C11orf21: variants seen among roughly 807,000 people sequenced by gnomAD.
C11orf21 encodes chromosome 11 open reading frame 21, also known as uncharacterized protein C11orf21.
In C11orf21, 19 loss-of-function variants were observed where a neutral mutation model predicts 15.2. The ratio of observed to expected loss-of-function variants is 1.25; its 90% CI spans 0.87 to 1.84. The LOEUF (loss-of-function observed/expected upper bound fraction) is 1.84, where lower values mean the gene tolerates loss of function less well. Ranked by LOEUF, C11orf21 falls within the 40% of genes most tolerant of loss-of-function variation. C11orf21 has a pLI of 0.00. For synonymous variants in C11orf21, 62 were observed against 66.8 expected, an observed-to-expected ratio of 0.93 and a Z score of 0.35; for missense variants, 171 against 174.4, an observed-to-expected ratio of 0.98 and a Z score of 0.11.
rs115451105 is a variant in C11orf21 at position 2,299,795 on chromosome 11, C to T, written c.148-88G>A. The T allele has an allele frequency of 2.4e-3, 3,668 of 1,498,326 alleles. 57 individuals carry two copies. In the African/African-American group the frequency reaches 0.035, roughly 14 times the overall value. The allele number at this position is 1,498,326 out of a possible 1,614,324, so 92.8% of individuals were successfully genotyped here. A position where few individuals can be genotyped will look rare whatever the true frequency, so the allele number is the denominator to read the frequency against. On this transcript the variant is annotated intron_variant, in intron 2 of 3. Transcript: ENST00000381153. ...GAGAGAGGAAAAAGGAAGTCCCTGGCGGGTAAACACATATGCATGCACACA... is the reference window on the plus strand; with the variant it reads ...GAGAGAGGAAAAAGGAAGTCCCTGGTGGGTAAACACATATGCATGCACACA...
chr11:2,300,200 C>A (rs1387168951), intron 2 of C11orf21, among the ~76,000 whole-genome samples: 1 of 30,954 alleles, frequency 3.2e-5, no homozygotes, highest in Non-Finnish European at 5.6e-5. Context: ...TGGGCAGGGG[C>A]GTGTGGGGTG....
chr11:2,300,470 G>A (rs971906062), intron 2 of C11orf21, 50 bp downstream of exon 2: 4 of 1,241,262 alleles, frequency 3.2e-6, no homozygotes, highest in Admixed American at 5.1e-5. Flanking sequence ...GGGTTCCACC[G>A]GCTCCCTGCC....
upstream of C11orf21, chr11:2,303,031 G>A (rs1847856734): frequency 7.3e-7 from 1 of 1,374,842 alleles, no homozygotes; most frequent in Non-Finnish European, 1.0e-6. Flanking sequence ...AGCCCAGCTG[G>A]ACGCCTCACA....
At chr11:2,302,762 C>T, upstream of C11orf21, 3 of 1,171,832 alleles carry the variant, frequency 2.6e-6, no homozygotes, top group Non-Finnish European at 3.7e-6. Flanking sequence ...CTGGAGAGAG[C>T]CCCAACCCTG....
chr11:2,300,050 G>A (rs926644474), intron 2 of C11orf21, among the ~76,000 whole-genome samples: 3 of 143,290 alleles, frequency 2.1e-5, no homozygotes, highest in Non-Finnish European at 3.1e-5. Flanking sequence ...GGCTCCCAGC[G>A]GCCGGCACCA....
chr11:2,300,020 G>C (rs76395194), intron 2 of C11orf21, among the ~76,000 whole-genome samples: 2 of 146,286 alleles, frequency 1.4e-5, no homozygotes, highest in Non-Finnish European at 3.0e-5. Context: ...GGCTGAACCC[G>C]CTGCTCGAGG....
At chr11:2,298,939 G>A (rs564259858) in intron 3 of C11orf21, among the ~76,000 whole-genome samples, 14 of 152,300 alleles carry the variant, frequency 9.2e-5, no homozygotes, top group African/African-American at 2.6e-4. Flanking sequence ...GTTGGCCAGC[G>A]GAGGCAGCAG....
At chr11:2,299,295 G>A (rs758040609) in intron 3 of C11orf21, 133 bp downstream of exon 3, 1 of 970,904 alleles carries the variant, frequency 1.0e-6, no homozygotes, top group South Asian at 1.7e-5. Flanking sequence ...GCCCCCACAG[G>A]TCTCTTCAAG....
chr11:2,301,410 G>T (rs1356938043), intron 1 of C11orf21: 9 of 227,502 alleles, frequency 4.0e-5, no homozygotes, highest in African/African-American at 2.1e-4. Flanking sequence ...CTGTACTGGG[G>T]CCGCAGCGCT....
intron 3 of C11orf21, 38 bp downstream of exon 3, chr11:2,299,390 G>T: frequency 1.3e-6 from 2 of 1,533,738 alleles, no homozygotes; most frequent in South Asian, 2.4e-5. Context: ...GACAGCACAG[G>T]GGCCCCCAGG....
chr11:2,300,088 TGGGGTGGGC>T (rs1847650440), intron 2 of C11orf21, among the ~76,000 whole-genome samples: 1 of 51,274 alleles, frequency 2.0e-5, no homozygotes, highest in Non-Finnish European at 3.7e-5. Flanking sequence ...CAGGGGTGTG[TGGGGTGGGC>T]AGGGGTTTGT....
At chr11:2,301,926 C>A, upstream of C11orf21, 1 of 1,529,158 alleles carries the variant, frequency 6.5e-7, no homozygotes. Context: ...GCTGGGGGCA[C>A]CAGGGTGAGG....
upstream of C11orf21, chr11:2,302,293 G>A (rs975665446): frequency 7.6e-7 from 1 of 1,313,352 alleles, no homozygotes; most frequent in Non-Finnish European, 9.9e-7. Context: ...TCAGCACAGG[G>A]ATTATCCCTC....
chr11:2,298,569 G>A (rs1847587274), intron 3 of C11orf21, among the ~76,000 whole-genome samples: 1 of 152,084 alleles, frequency 6.6e-6, no homozygotes, highest in Admixed American at 6.5e-5. Context: ...CCCAGGCCCG[G>A]GGGGTCACTC....
intron 1 of C11orf21, 39 bp from the exon 2 acceptor site, chr11:2,300,652 C>T: frequency 4.5e-6 from 7 of 1,549,914 alleles, no homozygotes; most frequent in Non-Finnish European, 6.1e-6. Flanking sequence ...GGTCAAGAAC[C>T]CAGGCCCGCC....
At chr11:2,298,503 G>A (rs968748948) in intron 3 of C11orf21, among the ~76,000 whole-genome samples, 3 of 152,218 alleles carry the variant, frequency 2.0e-5, no homozygotes, top group Admixed American at 2.0e-4. Flanking sequence ...ACCATTAGGG[G>A]GAGGGTCCGA....
In C11orf21 at chr11:2,299,714, G is replaced by A. The variant is rs1847629906; in HGVS notation, c.148-7C>T. ...TCATTGAGCCAGGGGCCTCCTGGTGGGTAAGGACATTGTAGAGTGAGCGGG... is the reference window on the plus strand; with the variant it reads ...TCATTGAGCCAGGGGCCTCCTGGTGAGTAAGGACATTGTAGAGTGAGCGGG... On this transcript the variant is annotated splice_region_variant and splice_polypyrimidine_tract_variant and intron_variant, in intron 2 of 3. Coordinates refer to ENST00000381153, the MANE Select transcript of C11orf21 (RefSeq NM_001329958.2). The A allele has an allele frequency of 1.3e-6, 2 of 1,550,704 alleles. No homozygotes were observed. Among genetic ancestry groups the A allele is most frequent in the African/African-American group, 1.4e-5 (1 of 73,004 alleles).
intron 3 of C11orf21, among the ~76,000 whole-genome samples, chr11:2,298,768 C>T (rs540702695): frequency 6.6e-6 from 1 of 152,302 alleles, no homozygotes; most frequent in Non-Finnish European, 1.5e-5. Flanking sequence ...TACAGTCTGT[C>T]CCTGGTATCT....
chr11:2,301,190 G>A, intron 1 of C11orf21: 2 of 250,828 alleles, frequency 8.0e-6, no homozygotes, highest in South Asian at 9.2e-5. Context: ...GCCACGCTGG[G>A]GTTGCCATGC....
Sources: gnomAD v4.1 joint callset for allele counts (sites outside exome capture counted in the v4.1 genomes callset) on GRCh38, gnomAD v4.1.1 for gene constraint, MANE v1.5 for transcripts, NCBI Gene and HGNC (gene_info 2026-07-23, HGNC 2026-07-21) for gene names.